PAPOLG: variants seen among roughly 807,000 people sequenced by gnomAD.
The protein encoded by PAPOLG is poly(A) polymerase gamma.
A neutral mutation model predicts 99.0 loss-of-function variants in PAPOLG; 40 were observed. That is an observed-to-expected ratio of 0.40 (90% CI 0.31 to 0.53). PAPOLG has a LOEUF of 0.53. PAPOLG is among the 20% of genes least tolerant of loss of function. The pLI is 0.41. For synonymous variants in PAPOLG, 310 were observed against 299.3 expected (o/e 1.04, Z -0.37); for missense variants, 675 against 884.1 (o/e 0.76, Z 3.00).
Position 60,797,351 on chromosome 2 carries a change from T to A in PAPOLG, c.*191T>A. ...AGATGCTGTAGCATTCTCTCACTGA[T>A]TGCTACATACACTTCTCTGAGGATC... On this transcript the variant is annotated 3_prime_UTR_variant, in exon 22 of 22. Transcript: ENST00000238714. 4.7e-6 allele frequency: 3 copies of A among 641,094 alleles called. No homozygotes were observed. The highest frequency in any genetic ancestry group is 8.1e-6 in the Non-Finnish European group (3 of 372,408). 39.7% of individuals were successfully genotyped at this position (641,094 alleles called of 1,614,324 possible).
chr2:60,756,735 G>T (rs1331976699), intron 1 of PAPOLG, among the ~76,000 whole-genome samples: 1 of 152,138 alleles, frequency 6.6e-6, no homozygotes, highest in Non-Finnish European at 1.5e-5. Flanking sequence ...CTCCGAGGAC[G>T]CCCTCAGAAA....
At chr2:60,771,378 T>A (rs1670845903) in intron 6 of PAPOLG, 141 bp from the exon 7 acceptor site, 1 of 853,796 alleles carries the variant, frequency 1.2e-6, no homozygotes, top group Non-Finnish European at 1.6e-6. Context: ...CATGTGAGAC[T>A]GCCTACATAG....
rs1029713996 is a variant in PAPOLG, at chr2:60,774,648, A to G, written c.605-386A>G. Among the ~76,000 whole-genome samples, 12 of 152,252 alleles carry G rather than the reference A, an allele frequency of 7.9e-5. No homozygotes were observed. In the South Asian group the frequency reaches 2.1e-3, roughly 26 times the overall value. On this transcript the variant is annotated intron_variant, in intron 7 of 21. Coordinates refer to ENST00000238714, the MANE Select transcript of PAPOLG (RefSeq NM_022894.4). ...ACCAAAGGGCTGGGATTGAGAACCA[A>G]TGTTTTATAGTGTCTTGTTTGACCG...
At chr2:60,765,656 A>G (rs1343866699) in intron 3 of PAPOLG, among the ~76,000 whole-genome samples, 1 of 152,214 alleles carries the variant, frequency 6.6e-6, no homozygotes. Flanking sequence ...GTAGAATCCC[A>G]CATCAAATCA....
chr2:60,756,528 C>T (rs899110633), intron 1 of PAPOLG, 33 bp downstream of exon 1: 15 of 777,516 alleles, frequency 1.9e-5, no homozygotes, highest in Non-Finnish European at 2.8e-5. Context: ...TGGGGTGAGG[C>T]GGGTAGGGGT....
chr2:60,761,648 C>A, intron 2 of PAPOLG, 93 bp from the exon 3 acceptor site: 2 of 1,034,986 alleles, frequency 1.9e-6, no homozygotes, highest in Non-Finnish European at 2.9e-6. Context: ...TTTACCCCAG[C>A]ATCAACACAA....
chr2:60,791,932 T>C, intron 16 of PAPOLG, 50 bp downstream of exon 16: 1 of 1,581,108 alleles, frequency 6.3e-7, no homozygotes, highest in Non-Finnish European at 8.6e-7. Flanking sequence ...AGACAAATGA[T>C]CTGGGACCAA....
At chr2:60,763,081 A>G (rs968735734) in intron 3 of PAPOLG, among the ~76,000 whole-genome samples, 1 of 135,856 alleles carries the variant, frequency 7.4e-6, no homozygotes, top group Non-Finnish European at 1.6e-5. Context: ...ATTTTATTTT[A>G]TTTTTTTTTT....
chr2:60,788,319 T>C (rs1671428861), intron 15 of PAPOLG, among the ~76,000 whole-genome samples: 1 of 151,894 alleles, frequency 6.6e-6, no homozygotes, highest in South Asian at 2.1e-4. Context: ...ATGTTATCTG[T>C]TTTATTTTAT....
chr2:60,781,187 C>T (rs996907451), intron 10 of PAPOLG, among the ~76,000 whole-genome samples: 2 of 152,080 alleles, frequency 1.3e-5, no homozygotes, highest in Non-Finnish European at 2.9e-5. Context: ...GAAACCCCCT[C>T]TCTACTGAAA....
At position 60,798,830 on chromosome 2, in the gene PAPOLG, T is replaced by C. The variant is rs761336936; in HGVS notation, c.*1670T>C. 2.0e-5 allele frequency: 3 copies of C among 152,372 alleles called. No homozygotes were observed. The highest frequency in any genetic ancestry group is 1.5e-5 in the Non-Finnish European group (1 of 68,038). The allele number at this position is 152,372 out of a possible 1,614,324, so 9.4% of individuals were successfully genotyped here. On this transcript the variant is annotated 3_prime_UTR_variant, in exon 22 of 22. Transcript: ENST00000238714. ...TAGGTCTCCAAAATGTAAATTCTAA[T>C]GTTTACCTTGTACCATGGAAAACAT...
rs928848894 is a variant in PAPOLG, at chr2:60,798,525, T to G, written c.*1365T>G. Reference sequence around the variant, plus strand: ...ATGGATTATGCTTGAATTACTATATTTAAAATGAAAATGTATAGATTACAC... The same window carrying G: ...ATGGATTATGCTTGAATTACTATATGTAAAATGAAAATGTATAGATTACAC... On this transcript the variant is annotated 3_prime_UTR_variant, in exon 22 of 22. Coordinates refer to ENST00000238714, the MANE Select transcript of PAPOLG (RefSeq NM_022894.4). 1.3e-5 allele frequency: 2 copies of G among 152,716 alleles called. No homozygotes were observed. Among genetic ancestry groups the G allele is most frequent in the Non-Finnish European group, 2.9e-5 (2 of 68,044 alleles). 9.5% of individuals were successfully genotyped at this position (152,716 alleles called of 1,614,324 possible).
At chr2:60,769,327 C>A (rs1670778509) in intron 5 of PAPOLG, among the ~76,000 whole-genome samples, 1 of 152,170 alleles carries the variant, frequency 6.6e-6, no homozygotes, top group Admixed American at 6.5e-5. Context: ...TCTAGCCATT[C>A]ATTCAGCAAA....
chr2:60,763,921 G>A (rs1670596729), intron 3 of PAPOLG, among the ~76,000 whole-genome samples: 1 of 151,980 alleles, frequency 6.6e-6, no homozygotes, highest in African/African-American at 2.4e-5. Flanking sequence ...TCTTGCCTCA[G>A]CCTCCCGAGT....
Position 60,760,168 on chromosome 2 carries a change from C to T in PAPOLG, c.52C>T (p.His18Tyr), listed in dbSNP as rs1670481009. 6.2e-7 allele frequency: 1 copy of T among 1,613,854 alleles called. No individual in the cohort carries two copies. The highest frequency in any genetic ancestry group is 8.5e-7 in the Non-Finnish European group (1 of 1,179,958). Residue 18 changes from histidine to tyrosine, a missense_variant, in exon 2 of 22, where the codon CAT becomes TAT. Transcript: ENST00000238714. Reference protein sequence around the residue: ...TVLDSQRQQKHYGITSPISLA... With the variant: ...TVLDSQRQQKYYGITSPISLA... ...GCTGGACAGCCAGCGTCAACAAAAG[C>T]ATTATGGAATTACCTCCCCAATTAG...
intron 8 of PAPOLG, among the ~76,000 whole-genome samples, chr2:60,779,321 A>C (rs549381978): frequency 4.6e-5 from 7 of 152,242 alleles, no homozygotes; most frequent in African/African-American, 1.7e-4. Flanking sequence ...GGGGAATTTC[A>C]ATGTAGTATC....
intron 11 of PAPOLG, among the ~76,000 whole-genome samples, chr2:60,782,335 G>A (rs1671213767): frequency 6.6e-6 from 1 of 152,136 alleles, no homozygotes; most frequent in African/African-American, 2.4e-5. Context: ...GGGAGGCCGA[G>A]GCGAGCAGAT....
intron 19 of PAPOLG, 152 bp downstream of exon 19, chr2:60,794,343 C>A: frequency 1.2e-6 from 1 of 822,704 alleles, no homozygotes; most frequent in Non-Finnish European, 1.8e-6. Context: ...AATTGCTCAT[C>A]CTAAATTGAA....
rs1422712404 is a variant in PAPOLG at position 60,787,636 on chromosome 2, C to T, written c.1396+16C>T. The T allele has an allele frequency of 1.2e-6, 2 of 1,610,162 alleles. No homozygotes were observed. ...ACTGATACAGGTAAGACTCCATCATCATAGAGCTGTGATTCTCAAACCTGG... is the reference window on the plus strand; with the variant it reads ...ACTGATACAGGTAAGACTCCATCATTATAGAGCTGTGATTCTCAAACCTGG... On this transcript the variant is annotated intron_variant, in intron 15 of 21. Coordinates refer to ENST00000238714, the MANE Select transcript of PAPOLG (RefSeq NM_022894.4).
Sources: allele counts gnomAD v4.1 joint callset (sites outside exome capture counted in the v4.1 genomes callset), GRCh38; gene constraint gnomAD v4.1.1; transcripts MANE v1.5; gene names NCBI Gene and HGNC (gene_info 2026-07-23, HGNC 2026-07-21).